RAB27B: variants seen among roughly 807,000 people sequenced by gnomAD.
RAB27B encodes ras-related protein Rab-27B.
In RAB27B, 15 loss-of-function variants were observed where a neutral mutation model predicts 24.6. The ratio of observed to expected loss-of-function variants is 0.61; its 90% CI spans 0.41 to 0.94. The LOEUF is 0.94. RAB27B is among the 40% of genes least tolerant of loss of function. RAB27B has a pLI of 0.00. For missense variants in RAB27B, 261 were observed against 266.8 expected, an observed-to-expected ratio of 0.98 and a Z score of 0.15; for synonymous variants, 105 against 92.5, an observed-to-expected ratio of 1.14 and a Z score of -0.78.
At chr18:54,794,925 ATATT>A (rs969594183) in intron 2 of RAB27B, among the ~76,000 whole-genome samples, 1 of 107,448 alleles carries the variant, frequency 9.3e-6, no homozygotes, top group African/African-American at 2.6e-5. Context: ...TGGTTACTAT[ATATT>A]TGTTACTTTT....
intron 2 of RAB27B, among the ~76,000 whole-genome samples, chr18:54,719,197 T>C (rs1319070127): frequency 2.0e-5 from 3 of 152,132 alleles, no homozygotes; most frequent in Non-Finnish European, 4.4e-5. Flanking sequence ...AAAATACTTC[T>C]AATGGTTCAA....
At chr18:54,874,610 A>G (rs1022873115) in intron 1 of RAB27B, among the ~76,000 whole-genome samples, 2 of 152,022 alleles carry the variant, frequency 1.3e-5, no homozygotes, top group African/African-American at 4.8e-5. Flanking sequence ...TAAAGTATGT[A>G]GATGTGTCTT....
intron 1 of RAB27B, among the ~76,000 whole-genome samples, chr18:54,846,724 G>A (rs573786862): frequency 6.6e-6 from 1 of 152,194 alleles, no homozygotes; most frequent in Non-Finnish European, 1.5e-5. Flanking sequence ...ATTTTTGGGA[G>A]AGACACATTT....
rs564811810 is a variant in RAB27B, at chr18:54,815,788, C to T, written c.-19-61779C>T. ...GCTCATTATGTTCCACCATGCCTAG[C>T]TAATTTTGTATTTTTAGTATAGACG... On this transcript the variant is annotated intron_variant, in intron 2 of 4. Transcript: ENST00000586570. 4.9e-4 allele frequency among the ~76,000 whole-genome samples: 74 copies of T among 152,154 alleles called. 2 individuals carry two copies. The South Asian group carries it at 0.015, about 30-fold the overall frequency.
intron 1 of RAB27B, among the ~76,000 whole-genome samples, chr18:54,871,705 C>T (rs1216257083): frequency 6.6e-6 from 1 of 151,904 alleles, no homozygotes; most frequent in East Asian, 1.9e-4. Flanking sequence ...CAAAAATTGG[C>T]CGGGCGTGGT....
At chr18:54,842,243 G>C (rs1911146949) in intron 1 of RAB27B, among the ~76,000 whole-genome samples, 1 of 152,170 alleles carries the variant, frequency 6.6e-6, no homozygotes. Flanking sequence ...TGTAAGAAAA[G>C]ATATGTAAAC....
intron 2 of RAB27B, among the ~76,000 whole-genome samples, chr18:54,791,507 A>G (rs72922788): frequency 3.0e-4 from 45 of 152,280 alleles, no homozygotes; most frequent in Non-Finnish European, 5.1e-4. Context: ...CCAAAAGGTC[A>G]AGGGAGTCCT....
intron 2 of RAB27B, among the ~76,000 whole-genome samples, chr18:54,722,114 G>A (rs530472701): frequency 3.7e-4 from 56 of 152,234 alleles, no homozygotes; most frequent in African/African-American, 1.0e-3. Context: ...GATGACTTAC[G>A]AAGTGCTACA....
chr18:54,723,976 T>A (rs1909444365), intron 2 of RAB27B, among the ~76,000 whole-genome samples: 1 of 152,192 alleles, frequency 6.6e-6, no homozygotes, highest in Non-Finnish European at 1.5e-5. Context: ...AATCCAACTG[T>A]TGGATGGCGC....
intron 1 of RAB27B, among the ~76,000 whole-genome samples, chr18:54,860,509 T>C (rs942774480): frequency 6.6e-6 from 1 of 152,150 alleles, no homozygotes; most frequent in Non-Finnish European, 1.5e-5. Flanking sequence ...ATCTCCTCCA[T>C]GAAGCCCTCC....
intron 2 of RAB27B, among the ~76,000 whole-genome samples, chr18:54,806,776 C>CA (rs1287495556): frequency 6.6e-6 from 1 of 151,130 alleles, no homozygotes; most frequent in Admixed American, 6.6e-5. Flanking sequence ...GAAAAACATT[C>CA]AAAAAAAATT....
intron 2 of RAB27B, among the ~76,000 whole-genome samples, chr18:54,820,220 G>C (rs1354459945): frequency 6.6e-6 from 1 of 152,198 alleles, no homozygotes; most frequent in Non-Finnish European, 1.5e-5. Flanking sequence ...GGTTGAACTA[G>C]TTTACAGTCC....
In RAB27B at chr18:54,893,859, CA is replaced by C. The variant is rs1913466219; in HGVS notation, c.*4449del. On this transcript the variant is annotated 3_prime_UTR_variant, in exon 6 of 6. Coordinates refer to ENST00000262094, the MANE Select transcript of RAB27B (RefSeq NM_004163.4). ...GCAGAACCTGGAGAAGGTCATACTT[CA>C]AAGGTCGATTTTGAGTCCGAATAAA... is the stretch of plus-strand genomic sequence containing the variant. 6.6e-6 allele frequency: 1 copy of C among 151,764 alleles called. No individual in the cohort carries two copies. 9.4% of individuals were successfully genotyped at this position (151,764 alleles called of 1,614,324 possible). A position where few individuals can be genotyped will look rare whatever the true frequency, so the allele number is the denominator to read the frequency against.
intron 2 of RAB27B, among the ~76,000 whole-genome samples, chr18:54,810,159 G>T (rs922779091): frequency 6.6e-6 from 1 of 152,156 alleles, no homozygotes; most frequent in Non-Finnish European, 1.5e-5. Flanking sequence ...TAAATTAAAA[G>T]ATGCTGGTGT....
intron 1 of RAB27B, among the ~76,000 whole-genome samples, chr18:54,869,953 A>G (rs1200721238): frequency 6.6e-6 from 1 of 152,192 alleles, no homozygotes; most frequent in Non-Finnish European, 1.5e-5. Flanking sequence ...CCAATTACCG[A>G]AGAAAACAGA....
In RAB27B at chr18:54,889,364, C is replaced by T. The variant is rs747817691; in HGVS notation, c.608C>T (p.Ser203Phe). The change falls in exon 6 of 6, where the codon TCT (serine) becomes TTT (phenylalanine). Residue 203 changes from serine to phenylalanine, a missense_variant. Transcript: ENST00000262094. ...CCTGATACTGTCAATGGTGGAAATT[C>T]TGGAAACTTGGATGGGGAAAAGCCA... ...QIPDTVNGGN[S>F]GNLDGEKPPE... 3 of 1,613,156 alleles carry T rather than the reference C, an allele frequency of 1.9e-6. No individual in the cohort carries two copies. Among genetic ancestry groups the T allele is most frequent in the Non-Finnish European group, 2.5e-6 (3 of 1,179,382 alleles).
intron 2 of RAB27B, among the ~76,000 whole-genome samples, chr18:54,769,801 T>C (rs946194281): frequency 3.3e-5 from 5 of 152,192 alleles, no homozygotes; most frequent in African/African-American, 1.2e-4. Flanking sequence ...ACCAACACTA[T>C]TTACTTAATA....
intron 1 of RAB27B, among the ~76,000 whole-genome samples, chr18:54,846,415 G>A (rs1911341040): frequency 6.6e-6 from 1 of 152,178 alleles, no homozygotes; most frequent in South Asian, 2.1e-4. Flanking sequence ...TTTATAGAAT[G>A]TATAACTCCT....
At chr18:54,859,382 A>G (rs1911918985) in intron 1 of RAB27B, among the ~76,000 whole-genome samples, 1 of 152,178 alleles carries the variant, frequency 6.6e-6, no homozygotes, top group African/African-American at 2.4e-5. Flanking sequence ...GAGCAAAAGT[A>G]TAATGCAAAA....
Sources: allele counts gnomAD v4.1 joint callset (sites outside exome capture counted in the v4.1 genomes callset), GRCh38; gene constraint gnomAD v4.1.1; transcripts MANE v1.5; gene names NCBI Gene and HGNC (gene_info 2026-07-23, HGNC 2026-07-21).